The following KLHL20 variants were observed in gnomAD, a reference collection of about 807,000 sequenced individuals.
KLHL20 encodes the protein kelch-like protein 20.
Under a neutral mutation model 69.5 loss-of-function variants are expected in KLHL20, and 29 were observed. That is an observed-to-expected ratio of 0.42 (90% CI 0.31 to 0.57). KLHL20 has a LOEUF of 0.57. Ranked by LOEUF, KLHL20 falls within the 20% of genes least tolerant of loss-of-function variation. The pLI is 0.18. For synonymous variants in KLHL20, 253 were observed against 265.2 expected (o/e 0.95, Z 0.45); for missense variants, 419 against 776.0 (o/e 0.54, Z 5.47).
chr1:173,781,791 A>C, intron 10 of KLHL20: 1 of 180,830 alleles, frequency 5.5e-6, no homozygotes, highest in Non-Finnish European at 1.2e-5. Flanking sequence ...TTAAAAGAGA[A>C]TTTTACTAGC....
chr1:173,779,309 C>T (rs970695993), intron 10 of KLHL20, among the ~76,000 whole-genome samples: 7 of 149,350 alleles, frequency 4.7e-5, no homozygotes, highest in Middle Eastern at 3.2e-3. Flanking sequence ...AATTTTATGT[C>T]GTCATATCTT....
At chr1:173,726,228 T>A (rs1671951666) in intron 2 of KLHL20, among the ~76,000 whole-genome samples, 1 of 150,934 alleles carries the variant, frequency 6.6e-6, no homozygotes, top group South Asian at 2.1e-4. Flanking sequence ...CAGGCTTGAG[T>A]AGGTAAATAA....
intron 3 of KLHL20, among the ~76,000 whole-genome samples, chr1:173,750,781 G>A (rs1005533349): frequency 6.6e-6 from 1 of 151,730 alleles, no homozygotes; most frequent in Non-Finnish European, 1.5e-5. Context: ...GGCTGGTCTC[G>A]AATTCCTGAG....
chr1:173,754,255 T>C (rs1673436913), intron 5 of KLHL20, among the ~76,000 whole-genome samples: 1 of 152,200 alleles, frequency 6.6e-6, no homozygotes, highest in Non-Finnish European at 1.5e-5. Flanking sequence ...CAGTTTACCA[T>C]AGACTAGAGT....
Position 173,756,149 on chromosome 1 carries a change from A to G in KLHL20, c.967+111A>G, listed in dbSNP as rs1454756042. 6 of 719,118 alleles carry G rather than the reference A, an allele frequency of 8.3e-6. No individual in the cohort carries two copies. In the African/African-American group the frequency reaches 8.9e-5, roughly 11 times the overall value. The allele number at this position is 719,118 out of a possible 1,614,324, so 44.5% of individuals were successfully genotyped here. ...TATTTACTGTCATAAGACACAAATA[A>G]TAAGTCAGCATATAGCTTGACTCAT... On this transcript the variant is annotated intron_variant, in intron 6 of 11. Coordinates refer to ENST00000209884, the MANE Select transcript of KLHL20 (RefSeq NM_014458.4).
chr1:173,752,543 C>G (rs1673360014), intron 4 of KLHL20, among the ~76,000 whole-genome samples: 1 of 152,162 alleles, frequency 6.6e-6, no homozygotes, highest in Admixed American at 6.5e-5. Flanking sequence ...AGTTTTCCTT[C>G]AATATGACTT....
intron 6 of KLHL20, among the ~76,000 whole-genome samples, 199 bp from the exon 7 acceptor site, chr1:173,756,777 G>A (rs953739518): frequency 2.1e-4 from 32 of 151,978 alleles, no homozygotes; most frequent in Admixed American, 1.4e-3. Flanking sequence ...TAAAATAGAC[G>A]TAATACTAAC....
chr1:173,746,866 A>G (rs932237811), intron 3 of KLHL20, among the ~76,000 whole-genome samples: 6 of 151,948 alleles, frequency 3.9e-5, no homozygotes, highest in African/African-American at 4.8e-5. Context: ...ATTTAAAGCT[A>G]TTCTTCTCGG....
rs369094002 is a variant in KLHL20 at position 173,751,969 on chromosome 1, G to A, written c.756+47G>A. On this transcript the variant is annotated intron_variant, in intron 4 of 11. Coordinates refer to ENST00000209884, the MANE Select transcript of KLHL20 (RefSeq NM_014458.4). ...TAAGAAACTGCTGACCGGGCATGGT[G>A]GCTCATGACTGTAATCCCAGCACTT... 9.5e-6 allele frequency: 15 copies of A among 1,571,366 alleles called. No individual in the cohort carries two copies. In the African/African-American group the frequency reaches 2.0e-4, roughly 21 times the overall value.
intron 10 of KLHL20, among the ~76,000 whole-genome samples, chr1:173,776,044 C>A (rs144945406): frequency 1.4e-3 from 214 of 152,214 alleles, no homozygotes; most frequent in Middle Eastern, 0.01. Context: ...AATTTATATT[C>A]CCACCAGCAG....
intron 7 of KLHL20, among the ~76,000 whole-genome samples, chr1:173,764,387 G>A (rs1439280754): frequency 5.3e-5 from 8 of 151,946 alleles, no homozygotes; most frequent in Admixed American, 4.6e-4. Context: ...TCTACTCAGA[G>A]GAAAAGAAGT....
In KLHL20 at chr1:173,738,022, G is replaced by A. The variant is rs114364298; in HGVS notation, c.597+3736G>A. Reference sequence around the variant, plus strand: ...TTGATTCTCAGCTTGGTTGCTCTTCGTGTATAGCAGTACTACTGGTTTGTG... The same window carrying A: ...TTGATTCTCAGCTTGGTTGCTCTTCATGTATAGCAGTACTACTGGTTTGTG... On this transcript the variant is annotated intron_variant, in intron 3 of 11. Coordinates refer to ENST00000209884, the MANE Select transcript of KLHL20 (RefSeq NM_014458.4). Among the ~76,000 whole-genome samples, 513 of 150,552 alleles carry A rather than the reference G, an allele frequency of 3.4e-3. 3 individuals are homozygous for A. The highest frequency in any genetic ancestry group is 0.012 in the African/African-American group (475 of 40,888).
chr1:173,715,000 C>CGGT lies in KLHL20; in HGVS notation c.-117_-115dup, dbSNP rs200219890. On this transcript the variant is annotated 5_prime_UTR_variant, in exon 1 of 12. Transcript: ENST00000209884. ...AGCGGCATCCTGCCTGCGTTAGCGG[C>CGGT]GGTGGAGGAGGAGGCAGAGAGGAGT... The CGGT allele has an allele frequency of 0.017, 2,584 of 152,986 alleles. 78 individuals carry two copies. The highest frequency in any genetic ancestry group is 0.056 in the African/African-American group (2,339 of 41,566). 9.5% of individuals were successfully genotyped at this position (152,986 alleles called of 1,614,324 possible).
intron 2 of KLHL20, among the ~76,000 whole-genome samples, chr1:173,733,264 A>G (rs968086249): frequency 1.8e-4 from 27 of 152,006 alleles, no homozygotes; most frequent in Admixed American, 4.6e-4. Flanking sequence ...TCAAGTGATA[A>G]GCTTACCTCA....
intron 8 of KLHL20, among the ~76,000 whole-genome samples, chr1:173,773,870 A>C (rs1031376862): frequency 6.6e-6 from 1 of 152,028 alleles, no homozygotes; most frequent in African/African-American, 2.4e-5. Context: ...AAAATTAGCC[A>C]GGCGTGGTGG....
chr1:173,782,343 G>A, intron 11 of KLHL20, 113 bp downstream of exon 11: 4 of 663,722 alleles, frequency 6.0e-6, no homozygotes, highest in Non-Finnish European at 1.0e-5. Context: ...GTACTTTGAA[G>A]AGGGCTGAAG....
At chr1:173,731,239 A>G (rs970597010) in intron 2 of KLHL20, among the ~76,000 whole-genome samples, 37 of 152,210 alleles carry the variant, frequency 2.4e-4, no homozygotes, top group African/African-American at 8.4e-4. Flanking sequence ...GAGGATGTGG[A>G]GAAATAGAAA....
At chr1:173,721,407 C>T (rs1423653841) in intron 2 of KLHL20, among the ~76,000 whole-genome samples, 1 of 152,186 alleles carries the variant, frequency 6.6e-6, no homozygotes, top group Non-Finnish European at 1.5e-5. Flanking sequence ...TCTTTTCTTC[C>T]GTCTACTATA....
At chr1:173,752,983 C>T (rs140471496) in intron 4 of KLHL20, among the ~76,000 whole-genome samples, 189 of 151,518 alleles carry the variant, frequency 1.2e-3, no homozygotes, top group African/African-American at 4.3e-3. Flanking sequence ...GCCTGGGCAG[C>T]GTGGTGATTC....
Sources: allele counts gnomAD v4.1 joint callset (sites outside exome capture counted in the v4.1 genomes callset), GRCh38; gene constraint gnomAD v4.1.1; transcripts MANE v1.5; gene names NCBI Gene and HGNC (gene_info 2026-07-23, HGNC 2026-07-21).